TMEM236: variants seen among roughly 807,000 people sequenced by gnomAD.
TMEM236 encodes family with sequence similarity 23, member A.
Under a neutral mutation model 14.7 loss-of-function variants are expected in TMEM236, and 11 were observed. The ratio of observed to expected loss-of-function variants is 0.75; its 90% CI spans 0.47 to 1.24. TMEM236 has a LOEUF of 1.24. Ranked by LOEUF, TMEM236 falls within the 50% of genes most tolerant of loss-of-function variation. TMEM236 has a pLI of 0.00. For synonymous variants in TMEM236, 182 were observed against 168.6 expected (o/e 1.08, Z -0.62); for missense variants, 464 against 427.3 (o/e 1.09, Z -0.76).
At chr10:17,765,703 C>T (rs1163624139) in intron 1 of TMEM236, among the ~76,000 whole-genome samples, 1 of 152,188 alleles carries the variant, frequency 6.6e-6, no homozygotes, top group Non-Finnish European at 1.5e-5. Context: ...AAATAATCCT[C>T]TGTGTCTTGA....
rs1838065115 is a variant in TMEM236 at position 17,799,533 on chromosome 10, T to C, written c.*3029T>C. ...TCACTTGAACCTGGGAGGCAGAGGT[T>C]GCAATGAGCTGAGATTGCGCCATTG... On this transcript the variant is annotated 3_prime_UTR_variant, in exon 4 of 4. Coordinates refer to ENST00000377495, the MANE Select transcript of TMEM236 (RefSeq NM_001098844.3). 6.6e-6 allele frequency: 1 copy of C among 152,246 alleles called. No homozygotes were observed. Among genetic ancestry groups the C allele is most frequent in the African/African-American group, 2.4e-5 (1 of 41,418 alleles). The allele number at this position is 152,246 out of a possible 1,614,324, so 9.4% of individuals were successfully genotyped here.
Position 17,776,162 on chromosome 10 carries a change from GT to G in TMEM236, c.465del (p.Gln156LysfsTer17). On this transcript the variant is annotated frameshift_variant, in exon 3 of 4. Coordinates refer to ENST00000377495, the MANE Select transcript of TMEM236 (RefSeq NM_001098844.3). LOFTEE classifies it low-confidence loss of function (END_TRUNC). ...CTCAGGATATATCCTCTTAGAGGGA[GT>G]CAAAAGAGTAAGTGTTCTTTTAAAT... ...EKLRIYPLRGSQKSSENGHIH... is the reference protein window; with the variant it reads ...EKLRIYPLRGXQKSSENGHIH... 6.2e-7 allele frequency: 1 copy of G among 1,612,018 alleles called. No homozygotes were observed. The highest frequency in any genetic ancestry group is 8.5e-7 in the Non-Finnish European group (1 of 1,178,630).
At chr10:17,787,338 G>C (rs902228956) in intron 3 of TMEM236, among the ~76,000 whole-genome samples, 3 of 152,204 alleles carry the variant, frequency 2.0e-5, no homozygotes, top group African/African-American at 4.8e-5. Flanking sequence ...CCGGTCCCCA[G>C]CCTGTGCTGC....
chr10:17,785,746 G>A (rs1445227815), intron 3 of TMEM236, among the ~76,000 whole-genome samples: 1 of 151,976 alleles, frequency 6.6e-6, no homozygotes, highest in Admixed American at 6.6e-5. Context: ...GGACCAACCG[G>A]GGGGGGATAT....
chr10:17,796,833 C>G lies in TMEM236; in HGVS notation c.*329C>G. 2.9e-6 allele frequency: 1 copy of G among 342,646 alleles called. No individual in the cohort carries two copies. Among genetic ancestry groups the G allele is most frequent in the Non-Finnish European group, 5.4e-6 (1 of 183,624 alleles). The allele number at this position is 342,646 out of a possible 1,614,324, so 21.2% of individuals were successfully genotyped here. ...GTCCGTGATCTGTTAGCAAGCAGAC[C>G]GCACAGCACGTGGTGAACCTCAAAC... On this transcript the variant is annotated 3_prime_UTR_variant, in exon 4 of 4. Coordinates refer to ENST00000377495, the MANE Select transcript of TMEM236 (RefSeq NM_001098844.3).
intron 3 of TMEM236, among the ~76,000 whole-genome samples, chr10:17,777,668 T>G (rs993728326): frequency 2.6e-5 from 4 of 152,190 alleles, no homozygotes; most frequent in Admixed American, 2.0e-4. Flanking sequence ...AAAAGGTCTT[T>G]TTAAAAAAGA....
At chr10:17,768,926 AT>A (rs1837522409) in intron 1 of TMEM236, among the ~76,000 whole-genome samples, 1 of 152,174 alleles carries the variant, frequency 6.6e-6, no homozygotes, top group African/African-American at 2.4e-5. Flanking sequence ...ATAATGTGAA[AT>A]TTACCATCTT....
intron 3 of TMEM236, among the ~76,000 whole-genome samples, chr10:17,788,508 T>C (rs1391991055): frequency 6.6e-6 from 1 of 150,934 alleles, no homozygotes; most frequent in East Asian, 1.9e-4. Flanking sequence ...CCCAGCACTT[T>C]GGGAGGTTGA....
chr10:17,765,270 T>C (rs1221780128), intron 1 of TMEM236, among the ~76,000 whole-genome samples: 1 of 152,162 alleles, frequency 6.6e-6, no homozygotes, highest in African/African-American at 2.4e-5. Flanking sequence ...CATGTCTGTT[T>C]TGGGGTATAT....
chr10:17,753,555 A>G lies in TMEM236; in HGVS notation c.257+1003A>G, dbSNP rs1018279571. On this transcript the variant is annotated intron_variant, in intron 1 of 3. Transcript: ENST00000377495. ...AAAGTAATGGCCTCCAGCTCCATCC[A>G]TGTCCCTGCAAAGGACATGATCTTG... Among the ~76,000 whole-genome samples, 583 of 152,248 alleles carry G rather than the reference A, an allele frequency of 3.8e-3. 2 individuals are homozygous for G. Among genetic ancestry groups the G allele is most frequent in the African/African-American group, 0.013 (549 of 41,536 alleles).
intron 3 of TMEM236, among the ~76,000 whole-genome samples, chr10:17,789,648 A>C (rs1311712183): frequency 1.3e-5 from 2 of 152,130 alleles, no homozygotes; most frequent in Admixed American, 6.6e-5. Flanking sequence ...TGGGAGGCTG[A>C]GGCAGAAGGA....
Position 17,795,934 on chromosome 10 carries a change from A to T in TMEM236, c.486A>T (p.Gly162=). 6.2e-7 allele frequency: 1 copy of T among 1,614,002 alleles called. No individual in the cohort carries two copies. Among genetic ancestry groups the T allele is most frequent in the East Asian group, 2.2e-5 (1 of 44,884 alleles). ...LRGSQKSSEN[G]HIHSTSLQHI... ...TGTTAATTGCAGGTAGTGAAAATGG[A>T]CACATCCATTCAACCTCTTTGCAAC... Residue 162 remains glycine, a synonymous_variant, in exon 4 of 4, where the codon GGA becomes GGT. Coordinates refer to ENST00000377495, the MANE Select transcript of TMEM236 (RefSeq NM_001098844.3).
intron 1 of TMEM236, among the ~76,000 whole-genome samples, chr10:17,763,712 G>A (rs1486837250): frequency 1.3e-5 from 2 of 152,176 alleles, no homozygotes; most frequent in African/African-American, 4.8e-5. Flanking sequence ...TGAGGAATGA[G>A]TTGATATAGT....
At chr10:17,793,046 T>C (rs1219231195) in intron 3 of TMEM236, among the ~76,000 whole-genome samples, 1 of 152,188 alleles carries the variant, frequency 6.6e-6, no homozygotes, top group Non-Finnish European at 1.5e-5. Flanking sequence ...GCTTTCCAGC[T>C]AATAGTTCTA....
chr10:17,753,817 T>TCAC (rs1285737173), intron 1 of TMEM236, among the ~76,000 whole-genome samples: 1 of 152,214 alleles, frequency 6.6e-6, no homozygotes, highest in African/African-American at 2.4e-5. Context: ...CTTTGAGGAA[T>TCAC]CACCACACTG....
chr10:17,770,384 A>T (rs1015405514), intron 1 of TMEM236, among the ~76,000 whole-genome samples: 2,971 of 152,000 alleles, frequency 0.02, 90 homozygotes, highest in African/African-American at 0.068. Context: ...TTTTTTAATT[A>T]ATTAATTTAT....
intron 3 of TMEM236, among the ~76,000 whole-genome samples, chr10:17,786,379 G>A (rs936571485): frequency 4.6e-5 from 7 of 152,140 alleles, no homozygotes; most frequent in Non-Finnish European, 8.8e-5. Context: ...TGTTTTTTGA[G>A]ACAATGTCTC....
intron 3 of TMEM236, among the ~76,000 whole-genome samples, chr10:17,784,771 A>C (rs1837806550): frequency 1.3e-5 from 2 of 152,146 alleles, no homozygotes; most frequent in South Asian, 4.1e-4. Flanking sequence ...ATAGGAAGCA[A>C]ATTTTCTGCT....
At chr10:17,762,504 G>A (rs1394689054) in intron 1 of TMEM236, among the ~76,000 whole-genome samples, 1 of 140,494 alleles carries the variant, frequency 7.1e-6, no homozygotes, top group Non-Finnish European at 1.5e-5. Context: ...AAATCCTCTG[G>A]GTTAATAGTG....
Sources: allele counts gnomAD v4.1 joint callset (sites outside exome capture counted in the v4.1 genomes callset), GRCh38; gene constraint gnomAD v4.1.1; transcripts MANE v1.5; gene names NCBI Gene and HGNC (gene_info 2026-07-23, HGNC 2026-07-21).